The following LRRIQ1 variants were observed in gnomAD, a reference collection of about 807,000 sequenced individuals.
LRRIQ1 encodes leucine rich repeats and IQ motif containing 1, also known as leucine-rich repeat- and IQ domain-containing protein 1.
LRRIQ1 carries 210 observed loss-of-function variants against 211.9 expected under a neutral mutation model. That is an observed-to-expected ratio of 0.99 (90% CI 0.89 to 1.11). The LOEUF is 1.11. Ranked by LOEUF, LRRIQ1 falls within the 50% of genes most tolerant of loss-of-function variation. The probability of loss-of-function intolerance (pLI) is 0.00; values close to 1 mark genes in which losing one functional copy is unlikely to be tolerated. For synonymous variants in LRRIQ1, 699 were observed against 650.1 expected (o/e 1.08, Z -1.14); for missense variants, 2,136 against 1,939.5 (o/e 1.10, Z -1.90).
At chr12:85,254,947 T>C (rs1896046484) in intron 1 of LRRIQ1, among the ~76,000 whole-genome samples, 1 of 151,956 alleles carries the variant, frequency 6.6e-6, no homozygotes, top group Admixed American at 6.6e-5. Context: ...AATAAACCTT[T>C]TGATAAAATT....
chr12:85,191,188 G>C (rs1892493463), intron 24 of LRRIQ1, among the ~76,000 whole-genome samples: 1 of 151,814 alleles, frequency 6.6e-6, no homozygotes, highest in African/African-American at 2.4e-5. Flanking sequence ...AAAGTCCATA[G>C]TTTACATTAG....
At chr12:85,046,212 A>C (rs1292340555) in intron 5 of LRRIQ1, 75 bp downstream of exon 5, 3 of 825,020 alleles carry the variant, frequency 3.6e-6, no homozygotes, top group Non-Finnish European at 5.9e-6. Flanking sequence ...AAAATTGGAC[A>C]GTTGATGTTT....
intron 13 of LRRIQ1, among the ~76,000 whole-genome samples, chr12:85,102,944 CA>C (rs761217598): frequency 0.18 from 15,893 of 87,308 alleles, 1,390 homozygotes; most frequent in Middle Eastern, 0.25. Context: ...CTAATTGTGG[CA>C]AAAAAAAAAA....
At chr12:85,081,259 G>A (rs1434760026) in intron 11 of LRRIQ1, among the ~76,000 whole-genome samples, 4 of 151,982 alleles carry the variant, frequency 2.6e-5, no homozygotes, top group East Asian at 1.9e-4. Context: ...AATCTTAACC[G>A]TATGATTCGG....
chr12:85,160,565 G>A (rs1292850003), intron 23 of LRRIQ1, 48 bp from the exon 24 acceptor site: 2 of 1,170,866 alleles, frequency 1.7e-6, no homozygotes, highest in Non-Finnish European at 2.5e-6. Flanking sequence ...TTTAGAGAAG[G>A]AATTAACCAA....
chr12:85,197,750 A>C (rs963250723), intron 24 of LRRIQ1, among the ~76,000 whole-genome samples: 1 of 137,524 alleles, frequency 7.3e-6, no homozygotes, highest in Non-Finnish European at 1.6e-5. Context: ...AGTGGGTGCA[A>C]CGCACCAGCA....
In LRRIQ1 at chr12:85,116,252, C is replaced by T. The variant is rs1282002636; in HGVS notation, c.3378-5445C>T. Among the ~76,000 whole-genome samples the T allele has an allele frequency of 4.6e-5, 7 of 152,160 alleles. 1 individual carries two copies. Among genetic ancestry groups the T allele is most frequent in the South Asian group, 4.1e-4 (2 of 4,832 alleles). On this transcript the variant is annotated intron_variant, in intron 15 of 26. Transcript: ENST00000393217. ...CCGCCTCCCGGGTTCATGCCATTCT[C>T]CTGCCTCAGCCACCCGAGTAGCTGG...
At chr12:85,240,168 C>A (rs551661393) in intron 26 of LRRIQ1, among the ~76,000 whole-genome samples, 48 of 152,134 alleles carry the variant, frequency 3.2e-4, no homozygotes, top group African/African-American at 1.2e-3. Context: ...AAAGTCAAAC[C>A]ACATTATCGG....
At chr12:85,187,154 G>A (rs936202050) in intron 24 of LRRIQ1, among the ~76,000 whole-genome samples, 1 of 151,980 alleles carries the variant, frequency 6.6e-6, no homozygotes, top group African/African-American at 2.4e-5. Context: ...AGTACATACA[G>A]GATAGTTCCT....
At chr12:85,158,687 A>G (rs1195548679) in intron 23 of LRRIQ1, among the ~76,000 whole-genome samples, 1 of 151,908 alleles carries the variant, frequency 6.6e-6, no homozygotes, top group Non-Finnish European at 1.5e-5. Context: ...TTTAATACCT[A>G]TTTCCCCAAC....
chr12:85,127,781 G>T, intron 17 of LRRIQ1, 51 bp from the exon 18 acceptor site: 1 of 1,503,734 alleles, frequency 6.7e-7, no homozygotes, highest in Non-Finnish European at 9.2e-7. Flanking sequence ...CTACAACTCT[G>T]TATTTACAGA....
At chr12:85,179,147 ATC>A (rs1009095843) in intron 24 of LRRIQ1, among the ~76,000 whole-genome samples, 6 of 151,900 alleles carry the variant, frequency 3.9e-5, no homozygotes, top group Non-Finnish European at 1.5e-5. Flanking sequence ...TCTAATCAGA[ATC>A]TGTTTGATTA....
chr12:85,258,252 A>T (rs1225250943), intron 1 of LRRIQ1, among the ~76,000 whole-genome samples: 3 of 151,880 alleles, frequency 2.0e-5, no homozygotes, highest in Admixed American at 1.3e-4. Context: ...TTTTGTGACT[A>T]TCAAGAGTAC....
intron 11 of LRRIQ1, among the ~76,000 whole-genome samples, chr12:85,073,691 C>A (rs993835402): frequency 5.9e-5 from 9 of 151,964 alleles, no homozygotes; most frequent in Non-Finnish European, 8.8e-5. Flanking sequence ...CAGTACAGAG[C>A]AAACAAGGTA....
At chr12:85,205,245 T>C (rs1490866062) in intron 24 of LRRIQ1, among the ~76,000 whole-genome samples, 4 of 152,214 alleles carry the variant, frequency 2.6e-5, no homozygotes, top group Non-Finnish European at 5.9e-5. Context: ...CTCTTTCTTT[T>C]GTAAATTTCC....
intron 24 of LRRIQ1, among the ~76,000 whole-genome samples, chr12:85,189,998 T>C (rs946640945): frequency 1.6e-4 from 23 of 142,006 alleles, no homozygotes; most frequent in African/African-American, 5.3e-4. Context: ...TTATATTATA[T>C]ATAATTTAAT....
intron 1 of LRRIQ1, among the ~76,000 whole-genome samples, chr12:85,258,175 T>C (rs1052330950): frequency 2.0e-5 from 3 of 151,826 alleles, no homozygotes; most frequent in African/African-American, 7.3e-5. Flanking sequence ...GTTACTCACA[T>C]GTTTTTTTTT....
At chr12:85,251,368 A>G (rs1007729820) in intron 1 of LRRIQ1, among the ~76,000 whole-genome samples, 1 of 151,964 alleles carries the variant, frequency 6.6e-6, no homozygotes, top group Non-Finnish European at 1.5e-5. Flanking sequence ...CTAGAGAGTG[A>G]CTAATAAAGT....
At chr12:85,259,297 T>C (rs1051146859) in intron 1 of LRRIQ1, among the ~76,000 whole-genome samples, 5 of 152,076 alleles carry the variant, frequency 3.3e-5, no homozygotes, top group African/African-American at 1.2e-4. Context: ...ATCAATATTT[T>C]GAGGCCAGAG....
Sources: gnomAD v4.1 joint callset for allele counts (sites outside exome capture counted in the v4.1 genomes callset) on GRCh38, gnomAD v4.1.1 for gene constraint, MANE v1.5 for transcripts, NCBI Gene and HGNC (gene_info 2026-07-23, HGNC 2026-07-21) for gene names.